Variants in SYT14 observed in about 807,000 individuals in gnomAD.
The protein encoded by SYT14 is synaptotagmin-14.
A neutral mutation model predicts 74.2 loss-of-function variants in SYT14; 32 were observed. That is an observed-to-expected ratio of 0.43 (90% CI 0.33 to 0.58). The LOEUF is 0.58. Among genes scored for constraint, SYT14 ranks in the 20% least tolerant of loss-of-function variants. SYT14 has a pLI of 0.05. For missense variants in SYT14, 791 were observed against 981.8 expected, an observed-to-expected ratio of 0.81 and a Z score of 2.60; for synonymous variants, 298 against 337.7, an observed-to-expected ratio of 0.88 and a Z score of 1.29.
chr1:210,083,918 T>G (rs530964146), intron 5 of SYT14, among the ~76,000 whole-genome samples: 92 of 152,284 alleles, frequency 6.0e-4, no homozygotes, highest in Non-Finnish European at 1.2e-3. Context: ...TTGCCCAGGC[T>G]GGACTGGAAC....
intron 1 of SYT14, among the ~76,000 whole-genome samples, chr1:209,938,545 G>C (rs2078674518): frequency 6.6e-6 from 1 of 152,006 alleles, no homozygotes. Context: ...GCGGGCTGGC[G>C]GGCAGGTACA....
chr1:210,059,479 G>GAGAGAGAGACAT (rs2081168572), intron 5 of SYT14, among the ~76,000 whole-genome samples: 1 of 148,244 alleles, frequency 6.7e-6, no homozygotes, highest in African/African-American at 2.5e-5. Flanking sequence ...GAGAGAGAGA[G>GAGAGAGAGACAT]AGAGAGAGAC....
At chr1:210,070,332 G>A (rs1025707640) in intron 5 of SYT14, among the ~76,000 whole-genome samples, 1 of 152,072 alleles carries the variant, frequency 6.6e-6, no homozygotes, top group Non-Finnish European at 1.5e-5. Flanking sequence ...TGCAGCAATA[G>A]CAGTTTTCAC....
intron 2 of SYT14, chr1:209,965,960 T>C (rs111435904): frequency 1.4e-4 from 64 of 455,142 alleles, no homozygotes; most frequent in African/African-American, 1.2e-3. Context: ...AACTTCCGCC[T>C]CCTGGGTTCA....
At chr1:209,957,013 C>G (rs997719536) in intron 2 of SYT14, among the ~76,000 whole-genome samples, 4 of 151,816 alleles carry the variant, frequency 2.6e-5, no homozygotes, top group African/African-American at 9.7e-5. Context: ...TTTTCTTCTG[C>G]AGAAGCTATG....
At chr1:210,055,278 G>C (rs144423481) in intron 5 of SYT14, among the ~76,000 whole-genome samples, 43 of 152,236 alleles carry the variant, frequency 2.8e-4, no homozygotes, top group African/African-American at 9.4e-4. Context: ...TTAGTGTGAG[G>C]ACTAGAAATA....
intron 7 of SYT14, among the ~76,000 whole-genome samples, chr1:210,143,667 G>A (rs1276317580): frequency 2.0e-5 from 3 of 152,074 alleles, no homozygotes; most frequent in Non-Finnish European, 4.4e-5. Flanking sequence ...TCGGCAGGGG[G>A]CAGCACAGTC....
intron 7 of SYT14, among the ~76,000 whole-genome samples, chr1:210,149,048 T>A (rs139046846): frequency 1.5e-3 from 228 of 152,184 alleles, no homozygotes; most frequent in African/African-American, 4.9e-3. Context: ...AAGAAACTTA[T>A]AAACTTTATA....
At chr1:210,057,477 G>A (rs1366224184) in intron 5 of SYT14, among the ~76,000 whole-genome samples, 1 of 152,136 alleles carries the variant, frequency 6.6e-6, no homozygotes, top group African/African-American at 2.4e-5. Context: ...ATAGACCTCG[G>A]TTGCTTTGGA....
At chr1:210,035,142 T>C (rs2080631252) in intron 5 of SYT14, among the ~76,000 whole-genome samples, 2 of 151,872 alleles carry the variant, frequency 1.3e-5, no homozygotes. Context: ...ACATGTTATT[T>C]TTTGACTTAA....
At chr1:210,093,695 A>G (rs2102523850) in intron 5 of SYT14, among the ~76,000 whole-genome samples, 1 of 152,236 alleles carries the variant, frequency 6.6e-6, no homozygotes, top group South Asian at 2.1e-4. Flanking sequence ...TATAATGGAG[A>G]AGAGACAGAA....
At chr1:210,152,472 A>G (rs1033210104) in intron 7 of SYT14, among the ~76,000 whole-genome samples, 13 of 152,258 alleles carry the variant, frequency 8.5e-5, no homozygotes, top group African/African-American at 3.1e-4. Flanking sequence ...ATCTTCAAAG[A>G]AAGTTCTGTA....
chr1:210,101,374 C>T (rs961290124), intron 7 of SYT14, among the ~76,000 whole-genome samples: 5 of 151,954 alleles, frequency 3.3e-5, no homozygotes, highest in Non-Finnish European at 5.9e-5. Context: ...TTGTTTTGAG[C>T]TTTTAAATGT....
rs369357275 is a variant in SYT14, at chr1:210,019,353, C to T, written c.1097-1686C>T. Among the ~76,000 whole-genome samples the T allele has an allele frequency of 4.6e-5, 7 of 152,194 alleles. No homozygotes were observed. In the South Asian group the frequency reaches 8.3e-4, roughly 18 times the overall value. ...TCAGAGGTCTTAGGCTCGGCCATCT[C>T]ATTGTTGTCTAATAGTATTTTCTGC... On this transcript the variant is annotated intron_variant, in intron 4 of 9. Coordinates refer to ENST00000637265, the Ensembl canonical transcript of SYT14.
At chr1:210,003,141 C>T (rs1329830631) in intron 2 of SYT14, among the ~76,000 whole-genome samples, 2 of 152,082 alleles carry the variant, frequency 1.3e-5, no homozygotes, top group East Asian at 3.8e-4. Flanking sequence ...CTTATATCCT[C>T]GATTTTCCAA....
intron 5 of SYT14, among the ~76,000 whole-genome samples, chr1:210,050,013 TC>T (rs2080962259): frequency 6.6e-6 from 1 of 152,192 alleles, no homozygotes; most frequent in South Asian, 2.1e-4. Context: ...AACGTTTGGT[TC>T]CTCATTACTC....
At chr1:209,981,148 A>G (rs1362771868) in intron 2 of SYT14, among the ~76,000 whole-genome samples, 1 of 152,136 alleles carries the variant, frequency 6.6e-6, no homozygotes, top group African/African-American at 2.4e-5. Context: ...TTCACCTTGA[A>G]GAGGTCCTTC....
At chr1:210,050,230 A>G (rs989985373) in intron 5 of SYT14, among the ~76,000 whole-genome samples, 1 of 152,100 alleles carries the variant, frequency 6.6e-6, no homozygotes, top group Non-Finnish European at 1.5e-5. Flanking sequence ...CTCAAGTTCA[A>G]ATTTCCACAA....
At position 210,056,006 on chromosome 1, in the gene SYT14, T is replaced by G. The variant is rs1572223617; in HGVS notation, c.1312+34752T>G. 2.0e-5 allele frequency among the ~76,000 whole-genome samples: 3 copies of G among 152,300 alleles called. No individual in the cohort carries two copies. In the South Asian group the frequency reaches 6.2e-4, roughly 32 times the overall value. On this transcript the variant is annotated intron_variant, in intron 5 of 9. Coordinates refer to ENST00000637265, the Ensembl canonical transcript of SYT14. ...TATTTTTAAAAAATGCTATTTTGCC[T>G]AAGACTAATCCTCATTTCAGATTTA...
Sources: allele counts gnomAD v4.1 joint callset (sites outside exome capture counted in the v4.1 genomes callset), GRCh38; gene constraint gnomAD v4.1.1; transcripts MANE v1.5; gene names NCBI Gene and HGNC (gene_info 2026-07-23, HGNC 2026-07-21).